MEOX2: variants seen among roughly 807,000 people sequenced by gnomAD.
MEOX2 encodes homeobox protein MOX-2.
In MEOX2, 11 loss-of-function variants were observed where a neutral mutation model predicts 27.0. The observed-to-expected ratio is 0.41, with a 90% CI of 0.26 to 0.68. The LOEUF (loss-of-function observed/expected upper bound fraction) is 0.68. MEOX2 is among the 30% of genes least tolerant of loss of function. MEOX2 has a pLI of 0.33. For missense variants in MEOX2, 436 were observed against 385.4 expected (o/e 1.13, Z -1.10); for synonymous variants, 189 against 155.4 (o/e 1.22, Z -1.61).
At chr7:15,657,484 AT>A (rs1370912336) in intron 1 of MEOX2, among the ~76,000 whole-genome samples, 1 of 151,992 alleles carries the variant, frequency 6.6e-6, no homozygotes, top group African/African-American at 2.4e-5. Flanking sequence ...AAGCTCATCC[AT>A]TGAGATTTTA....
At chr7:15,653,898 A>G (rs1323817466) in intron 1 of MEOX2, among the ~76,000 whole-genome samples, 1 of 151,964 alleles carries the variant, frequency 6.6e-6, no homozygotes, top group Admixed American at 6.6e-5. Context: ...TAGCTATTCT[A>G]GTGTCTCTGC....
chr7:15,639,586 T>A (rs556527806), intron 1 of MEOX2, among the ~76,000 whole-genome samples: 4 of 152,130 alleles, frequency 2.6e-5, no homozygotes, highest in Non-Finnish European at 5.9e-5. Context: ...CTCTTTTTTT[T>A]ATAGTTTTGG....
intron 1 of MEOX2, among the ~76,000 whole-genome samples, chr7:15,657,956 T>A (rs1781849860): frequency 6.6e-6 from 1 of 152,236 alleles, no homozygotes; most frequent in Non-Finnish European, 1.5e-5. Context: ...AGCCTCAGTT[T>A]ACATCAAAAG....
At chr7:15,666,985 A>C (rs1225853319) in intron 1 of MEOX2, among the ~76,000 whole-genome samples, 1 of 150,842 alleles carries the variant, frequency 6.6e-6, no homozygotes, top group African/African-American at 2.4e-5. Context: ...TCATGTACTC[A>C]TCAGCTTTTA....
At chr7:15,657,528 C>T (rs932200158) in intron 1 of MEOX2, among the ~76,000 whole-genome samples, 7 of 152,086 alleles carry the variant, frequency 4.6e-5, no homozygotes, top group African/African-American at 1.2e-4. Context: ...TTTATAATTT[C>T]CACTTGGTTC....
chr7:15,614,754 C>A (rs1406507014), intron 2 of MEOX2, among the ~76,000 whole-genome samples: 1 of 152,044 alleles, frequency 6.6e-6, no homozygotes, highest in Admixed American at 6.6e-5. Flanking sequence ...CATTCTTCTA[C>A]GTTAGAAATA....
At chr7:15,651,210 A>G (rs2115377104) in intron 1 of MEOX2, among the ~76,000 whole-genome samples, 1 of 152,136 alleles carries the variant, frequency 6.6e-6, no homozygotes, top group South Asian at 2.1e-4. Context: ...TGTATAAATG[A>G]AATGTGATAT....
chr7:15,667,491 C>T (rs1484662183), intron 1 of MEOX2, among the ~76,000 whole-genome samples: 3 of 151,886 alleles, frequency 2.0e-5, no homozygotes, highest in Admixed American at 6.6e-5. Flanking sequence ...CCAGAAACCT[C>T]AAGGTGTTCT....
intron 1 of MEOX2, among the ~76,000 whole-genome samples, chr7:15,684,553 A>G (rs1562619349): frequency 6.6e-6 from 1 of 152,210 alleles, no homozygotes. Flanking sequence ...ATCCTATAGT[A>G]ACGCTGAAGA....
intron 1 of MEOX2, among the ~76,000 whole-genome samples, chr7:15,678,323 T>C (rs1782235573): frequency 6.6e-6 from 1 of 152,216 alleles, no homozygotes; most frequent in Non-Finnish European, 1.5e-5. Flanking sequence ...CAGTGAGTGC[T>C]AAAGCATTAT....
intron 1 of MEOX2, among the ~76,000 whole-genome samples, chr7:15,658,458 T>A (rs972014700): frequency 6.6e-5 from 10 of 152,174 alleles, no homozygotes; most frequent in African/African-American, 2.4e-4. Flanking sequence ...AGCAAACATC[T>A]GTTAGACATT....
intron 1 of MEOX2, among the ~76,000 whole-genome samples, chr7:15,647,328 A>G (rs1050260749): frequency 6.6e-6 from 1 of 152,094 alleles, no homozygotes; most frequent in African/African-American, 2.4e-5. Context: ...AACCCACCAT[A>G]GCAGTATCTC....
chr7:15,633,224 A>C (rs1161305850), intron 1 of MEOX2, among the ~76,000 whole-genome samples: 1 of 151,942 alleles, frequency 6.6e-6, no homozygotes, highest in Non-Finnish European at 1.5e-5. Context: ...ACTTAATTTT[A>C]ATACACGCAG....
At chr7:15,636,655 A>G (rs1204002827) in intron 1 of MEOX2, among the ~76,000 whole-genome samples, 1 of 152,098 alleles carries the variant, frequency 6.6e-6, no homozygotes, top group Non-Finnish European at 1.5e-5. Flanking sequence ...TACATGCCAT[A>G]TAGAAATTTA....
chr7:15,630,184 G>C (rs773275002), intron 1 of MEOX2, among the ~76,000 whole-genome samples: 1 of 152,038 alleles, frequency 6.6e-6, no homozygotes, highest in Non-Finnish European at 1.5e-5. Context: ...ATGTGTTCAG[G>C]TATGGTTGGC....
intron 1 of MEOX2, among the ~76,000 whole-genome samples, chr7:15,643,096 G>C (rs924483913): frequency 3.3e-5 from 5 of 152,214 alleles, no homozygotes; most frequent in African/African-American, 1.2e-4. Flanking sequence ...GCTCTTGCAA[G>C]TAAGAGCCAG....
At chr7:15,650,131 T>C (rs575965561) in intron 1 of MEOX2, among the ~76,000 whole-genome samples, 1 of 152,182 alleles carries the variant, frequency 6.6e-6, no homozygotes, top group South Asian at 2.1e-4. Context: ...ACTTGGATGT[T>C]TGGCCATGCC....
At chr7:15,643,423 T>C (rs1208655513) in intron 1 of MEOX2, among the ~76,000 whole-genome samples, 1 of 152,112 alleles carries the variant, frequency 6.6e-6, no homozygotes, top group Non-Finnish European at 1.5e-5. Context: ...GGGGCAGCTC[T>C]CAGGCCACTG....
chr7:15,671,770 A>G (rs1311619434), intron 1 of MEOX2, among the ~76,000 whole-genome samples: 1 of 152,108 alleles, frequency 6.6e-6, no homozygotes, highest in Non-Finnish European at 1.5e-5. Context: ...AAATTGGTCA[A>G]TTTGGGCTGG....
Sources: allele counts gnomAD v4.1 joint callset (sites outside exome capture counted in the v4.1 genomes callset), GRCh38; gene constraint gnomAD v4.1.1; transcripts MANE v1.5; gene names NCBI Gene and HGNC (gene_info 2026-07-23, HGNC 2026-07-21).